Variants in RNF220 observed in about 807,000 individuals in gnomAD.
RNF220 encodes the protein ring finger protein 220.
In RNF220, 7 loss-of-function variants were observed where a neutral mutation model predicts 67.1. That is an observed-to-expected ratio of 0.10 (90% CI 0.06 to 0.20). The LOEUF is 0.20. Among genes scored for constraint, RNF220 ranks in the 10% least tolerant of loss-of-function variants. RNF220 has a pLI of 1.00. For synonymous variants in RNF220, 270 were observed against 283.2 expected (o/e 0.95, Z 0.47); for missense variants, 565 against 740.3 (o/e 0.76, Z 2.75).
intron 2 of RNF220, among the ~76,000 whole-genome samples, chr1:44,582,947 A>G (rs899697088): frequency 1.3e-5 from 2 of 152,086 alleles, no homozygotes; most frequent in Non-Finnish European, 2.9e-5. Context: ...TGGAGGTTGC[A>G]GTGAGTCGAG....
upstream of RNF220, chr1:44,405,182 T>G: frequency 3.1e-5 from 9 of 291,086 alleles, no homozygotes; most frequent in Middle Eastern, 1.0e-3. Flanking sequence ...TGTGTGAGTG[T>G]GAGAGAATGT....
chr1:44,416,377 C>G lies in RNF220; in HGVS notation c.625+3655C>G, dbSNP rs74974593. Among the ~76,000 whole-genome samples, 754 of 152,328 alleles carry G rather than the reference C, an allele frequency of 4.9e-3. 6 individuals carry two copies. The highest frequency in any genetic ancestry group is 8.3e-3 in the Non-Finnish European group (565 of 68,032). On this transcript the variant is annotated intron_variant, in intron 2 of 14. Coordinates refer to ENST00000361799, the MANE Select transcript of RNF220 (RefSeq NM_018150.4). ...TGTTTCCCAGGGCCTTTAAAATAAA[C>G]ATTTCCTCATTAAGGAAACTTCACA...
intron 2 of RNF220, among the ~76,000 whole-genome samples, chr1:44,554,874 G>A (rs1307440010): frequency 6.6e-6 from 1 of 151,962 alleles, no homozygotes; most frequent in Non-Finnish European, 1.5e-5. Context: ...ACCTGTCTTT[G>A]TCCCTCCTCT....
chr1:44,581,473 G>T (rs1007624292), intron 2 of RNF220, among the ~76,000 whole-genome samples: 2 of 152,220 alleles, frequency 1.3e-5, no homozygotes, highest in Admixed American at 6.5e-5. Context: ...TCCCACACAT[G>T]CCTGGGGAGT....
intron 2 of RNF220, among the ~76,000 whole-genome samples, chr1:44,463,335 C>CAAAA (rs1223749063): frequency 1.1e-5 from 1 of 91,104 alleles, no homozygotes; most frequent in South Asian, 3.1e-4. Flanking sequence ...AACTCTGTCT[C>CAAAA]AAAAAAAAAA....
chr1:44,565,696 T>C lies in RNF220; in HGVS notation c.626-48469T>C, dbSNP rs980173625. Reference sequence around the variant, plus strand: ...ATTAGCCTGAGCTACCCATTTTAGCTGGAGGGGTTTGCATAGATGCTGGGC... The same window carrying C: ...ATTAGCCTGAGCTACCCATTTTAGCCGGAGGGGTTTGCATAGATGCTGGGC... On this transcript the variant is annotated intron_variant, in intron 2 of 14. Coordinates refer to ENST00000361799, the MANE Select transcript of RNF220 (RefSeq NM_018150.4). The surrounding 1 kb of genome is among the most constrained non-coding windows in gnomAD (Gnocchi z 4.2). 1.3e-5 allele frequency among the ~76,000 whole-genome samples: 2 copies of C among 152,208 alleles called. No homozygotes were observed. The highest frequency in any genetic ancestry group is 2.9e-5 in the Non-Finnish European group (2 of 68,026).
intron 2 of RNF220, among the ~76,000 whole-genome samples, chr1:44,571,265 C>T (rs990093963): frequency 2.0e-5 from 3 of 152,144 alleles, no homozygotes; most frequent in Non-Finnish European, 2.9e-5. Context: ...CACTGAGTAC[C>T]TTCCCCATCA....
chr1:44,632,085 G>T, intron 5 of RNF220: 1 of 1,258,490 alleles, frequency 7.9e-7, no homozygotes, highest in Non-Finnish European at 1.0e-6. Context: ...GGCCCAGAGC[G>T]CCGGAGGCCA....
intron 2 of RNF220, among the ~76,000 whole-genome samples, chr1:44,463,712 C>T (rs1418055221): frequency 6.6e-6 from 1 of 152,172 alleles, no homozygotes; most frequent in East Asian, 1.9e-4. Flanking sequence ...TCCATGTAGA[C>T]ATTTTAGATG....
intron 2 of RNF220, among the ~76,000 whole-genome samples, chr1:44,508,458 C>A (rs1176585277): frequency 6.6e-6 from 1 of 152,218 alleles, no homozygotes; most frequent in Non-Finnish European, 1.5e-5. Flanking sequence ...CCTTCTGCTG[C>A]TCAGGAACGC....
chr1:44,615,460 G>A lies in RNF220; in HGVS notation c.758+1163G>A, dbSNP rs865816009. On this transcript the variant is annotated intron_variant, in intron 3 of 14. Transcript: ENST00000361799. ...TGGAAAATATAATCTGCTACTGAGG[G>A]ACGGTCTGCCCCGCTCCTCCCAGTC... 3.9e-5 allele frequency among the ~76,000 whole-genome samples: 6 copies of A among 152,264 alleles called. No homozygotes were observed. The Middle Eastern group carries it at 0.01, about 259-fold the overall frequency.
intron 2 of RNF220, among the ~76,000 whole-genome samples, chr1:44,468,343 C>T (rs1435822508): frequency 6.6e-6 from 1 of 152,022 alleles, no homozygotes; most frequent in African/African-American, 2.4e-5. Flanking sequence ...ATCAGCTCTT[C>T]CTGTACTGAT....
At chr1:44,462,723 C>T (rs1480148035) in intron 2 of RNF220, among the ~76,000 whole-genome samples, 5 of 152,126 alleles carry the variant, frequency 3.3e-5, no homozygotes, top group Non-Finnish European at 5.9e-5. Context: ...GAGTCAGAGT[C>T]CACAGCTTAG....
At chr1:44,628,556 G>A (rs530566284) in intron 5 of RNF220, among the ~76,000 whole-genome samples, 2 of 152,156 alleles carry the variant, frequency 1.3e-5, no homozygotes, top group Non-Finnish European at 2.9e-5. Context: ...AATCAAACTA[G>A]GTTGTGTCCT....
chr1:44,452,334 G>A (rs1476764563), intron 2 of RNF220, among the ~76,000 whole-genome samples: 4 of 152,040 alleles, frequency 2.6e-5, no homozygotes, highest in Non-Finnish European at 5.9e-5. Context: ...TGGGCTGATC[G>A]CTTGAGGTCA....
At chr1:44,427,676 G>T (rs1170514355) in intron 2 of RNF220, among the ~76,000 whole-genome samples, 1 of 152,224 alleles carries the variant, frequency 6.6e-6, no homozygotes, top group Non-Finnish European at 1.5e-5. Context: ...AAATCTGTGA[G>T]ACGAGACAGA....
At chr1:44,552,110 A>C (rs1294562148) in intron 2 of RNF220, among the ~76,000 whole-genome samples, 1 of 152,242 alleles carries the variant, frequency 6.6e-6, no homozygotes. Context: ...TATAAGCCTC[A>C]TCTAAGACTA....
intron 2 of RNF220, among the ~76,000 whole-genome samples, chr1:44,413,491 T>C (rs1333812759): frequency 6.6e-6 from 1 of 152,226 alleles, no homozygotes; most frequent in Non-Finnish European, 1.5e-5. Flanking sequence ...CTGGCTACAC[T>C]TATAGCTGGA....
intron 2 of RNF220, among the ~76,000 whole-genome samples, chr1:44,468,869 A>T (rs1557955112): frequency 6.6e-6 from 1 of 152,138 alleles, no homozygotes; most frequent in Non-Finnish European, 1.5e-5. Flanking sequence ...GTGAGCCAAG[A>T]TCACACCACT....
Sources: gnomAD v4.1 joint callset for allele counts (sites outside exome capture counted in the v4.1 genomes callset) on GRCh38, gnomAD v4.1.1 for gene constraint, Gnocchi (gnomAD v3.1) non-coding constraint, MANE v1.5 for transcripts, NCBI Gene and HGNC (gene_info 2026-07-23, HGNC 2026-07-21) for gene names.